Variants in CLIC5 observed in about 807,000 individuals in gnomAD.
The protein encoded by CLIC5 is CLIC family member 5, also known as chloride intracellular channel protein 5.
In CLIC5, 20 loss-of-function variants were observed where a neutral mutation model predicts 24.7. The ratio of observed to expected loss-of-function variants is 0.81; its 90% CI spans 0.57 to 1.18. CLIC5 has a LOEUF of 1.18. CLIC5 is among the 50% of genes most tolerant of loss of function. The pLI, the probability that CLIC5 is intolerant of heterozygous loss-of-function variation, is 0.00. For synonymous variants in CLIC5, 159 were observed against 135.6 expected, an observed-to-expected ratio of 1.17 and a Z score of -1.20; for missense variants, 341 against 326.1, an observed-to-expected ratio of 1.05 and a Z score of -0.35.
rs550309030 is a variant in CLIC5 at position 46,079,573 on chromosome 6, G to A, written c.540+130C>T. 70 of 755,808 alleles carry A rather than the reference G, an allele frequency of 9.3e-5. 1 individual carries two copies. Among genetic ancestry groups the A allele is most frequent in the South Asian group, 7.9e-4 (41 of 51,878 alleles). 46.8% of individuals were successfully genotyped at this position (755,808 alleles called of 1,614,324 possible). On this transcript the variant is annotated intron_variant, in intron 1 of 5. Coordinates refer to the CLIC5 transcript ENST00000185206. The stretch of plus-strand genomic sequence containing the variant: ...CTCTAATGACTGATTTAGTCCCTCC[G>A]ACTCCTGAATATGTATTGAGATCCA...
At chr6:45,954,599 A>T (rs1581786906) in intron 2 of CLIC5, among the ~76,000 whole-genome samples, 1 of 152,318 alleles carries the variant, frequency 6.6e-6, no homozygotes, top group East Asian at 1.9e-4. Flanking sequence ...GAGTGAAAAG[A>T]GTGTGGCTCC....
intron 1 of CLIC5, among the ~76,000 whole-genome samples, chr6:45,974,483 C>CTG (rs754615455): frequency 0.035 from 2,753 of 78,044 alleles, 57 homozygotes; most frequent in Middle Eastern, 0.11. Context: ...GTGTTTACTA[C>CTG]TGTGTGTGTG....
At chr6:46,076,756 T>G (rs1320082427) in intron 1 of CLIC5, among the ~76,000 whole-genome samples, 2 of 152,202 alleles carry the variant, frequency 1.3e-5, no homozygotes, top group Non-Finnish European at 2.9e-5. Context: ...ACCCATATCC[T>G]GTTTTATAGC....
chr6:46,069,273 T>C (rs978067755), intron 1 of CLIC5, among the ~76,000 whole-genome samples: 5 of 152,242 alleles, frequency 3.3e-5, no homozygotes, highest in African/African-American at 1.2e-4. Flanking sequence ...AGGGAGCTAC[T>C]GCATAACTAA....
chr6:45,983,113 T>C (rs1765620181), intron 1 of CLIC5, among the ~76,000 whole-genome samples: 2 of 152,150 alleles, frequency 1.3e-5, no homozygotes, highest in African/African-American at 4.8e-5. Flanking sequence ...GTAACGTACA[T>C]TCAGTGAGAG....
chr6:46,116,719 T>A, the CLIC5 span, among the ~76,000 whole-genome samples: 10 of 152,194 alleles, frequency 6.6e-5, no homozygotes, highest in African/African-American at 9.6e-5. Context: ...ATTGTCCATA[T>A]CCTCTTTGTT....
At chr6:45,964,312 A>C (rs543913192) in intron 1 of CLIC5, among the ~76,000 whole-genome samples, 1 of 152,318 alleles carries the variant, frequency 6.6e-6, no homozygotes, top group African/African-American at 2.4e-5. Flanking sequence ...AGCAGAAAAA[A>C]TGTCTGCAGC....
At chr6:46,078,523 C>T (rs1762834047) in intron 1 of CLIC5, among the ~76,000 whole-genome samples, 1 of 152,186 alleles carries the variant, frequency 6.6e-6, no homozygotes, top group Non-Finnish European at 1.5e-5. Context: ...CACCCACACA[C>T]TCCACCCACT....
chr6:45,959,286 A>G (rs1764770582), intron 1 of CLIC5, among the ~76,000 whole-genome samples: 1 of 152,216 alleles, frequency 6.6e-6, no homozygotes, highest in Non-Finnish European at 1.5e-5. Context: ...ATTGATATTT[A>G]CCGTGTTGTA....
At chr6:46,047,043 C>T (rs748074493) in intron 1 of CLIC5, among the ~76,000 whole-genome samples, 3 of 152,204 alleles carry the variant, frequency 2.0e-5, no homozygotes, top group Non-Finnish European at 4.4e-5. Context: ...GTAGTGTTCA[C>T]ATGATTTATT....
chr6:45,891,508 T>C (rs897404952), intron 6 of CLIC5, among the ~76,000 whole-genome samples: 3 of 151,942 alleles, frequency 2.0e-5, no homozygotes, highest in African/African-American at 7.3e-5. Context: ...TGGTGGCACA[T>C]GCCTGTAGTC....
chr6:46,038,066 GT>G (rs1767710907), intron 1 of CLIC5, among the ~76,000 whole-genome samples: 1 of 152,168 alleles, frequency 6.6e-6, no homozygotes, highest in Admixed American at 6.5e-5. Context: ...TTATTATCTG[GT>G]AGAGCTCATT....
At chr6:46,098,973 A>G in the CLIC5 span, among the ~76,000 whole-genome samples, 1 of 152,214 alleles carries the variant, frequency 6.6e-6, no homozygotes, top group African/African-American at 2.4e-5. Flanking sequence ...GGGAACCAGC[A>G]CTGGCTGCGG....
At chr6:46,062,268 A>G (rs1762304559) in intron 1 of CLIC5, among the ~76,000 whole-genome samples, 1 of 152,228 alleles carries the variant, frequency 6.6e-6, no homozygotes, top group South Asian at 2.1e-4. Context: ...TATAACAAAA[A>G]TACTTCAGTA....
intron 1 of CLIC5, among the ~76,000 whole-genome samples, chr6:45,972,439 G>A (rs911451549): frequency 6.6e-6 from 1 of 152,192 alleles, no homozygotes; most frequent in Non-Finnish European, 1.5e-5. Context: ...TACAGCTCCA[G>A]GGTCCTCTTG....
At chr6:45,998,261 CT>C (rs1766224598) in intron 1 of CLIC5, among the ~76,000 whole-genome samples, 2 of 152,210 alleles carry the variant, frequency 1.3e-5, no homozygotes, top group African/African-American at 4.8e-5. Context: ...TCCTAGCTAC[CT>C]TCTCATAGGC....
At chr6:46,120,594 C>A in the CLIC5 span, among the ~76,000 whole-genome samples, 1 of 152,178 alleles carries the variant, frequency 6.6e-6, no homozygotes, top group South Asian at 2.1e-4. Flanking sequence ...ATAACTTTGA[C>A]AAGTTGAGAG....
At chr6:46,034,902 C>T (rs1767618871) in intron 1 of CLIC5, among the ~76,000 whole-genome samples, 1 of 152,132 alleles carries the variant, frequency 6.6e-6, no homozygotes, top group Non-Finnish European at 1.5e-5. Flanking sequence ...AGAAGTGGGA[C>T]CGTAATAGCT....
At chr6:45,927,330 T>C (rs1387697708) in intron 4 of CLIC5, among the ~76,000 whole-genome samples, 2 of 152,118 alleles carry the variant, frequency 1.3e-5, no homozygotes, top group African/African-American at 4.8e-5. Context: ...ACCAACAGTG[T>C]CCGAATCGCC....
Sources: allele counts gnomAD v4.1 joint callset (sites outside exome capture counted in the v4.1 genomes callset), GRCh38; gene constraint gnomAD v4.1.1; transcripts MANE v1.5; gene names NCBI Gene and HGNC (gene_info 2026-07-23, HGNC 2026-07-21).